The following ACTA2 variants were observed in gnomAD, a reference collection of about 807,000 sequenced individuals.
ACTA2 encodes the protein actin alpha 2, smooth muscle.
In ACTA2, 12 loss-of-function variants were observed where a neutral mutation model predicts 39.5. That is an observed-to-expected ratio of 0.30 (90% CI 0.19 to 0.49). ACTA2 has a LOEUF of 0.49. ACTA2 is among the 20% of genes least tolerant of loss of function. ACTA2 has a pLI of 0.99. For missense variants in ACTA2, 236 were observed against 498.8 expected (o/e 0.47, Z 5.02); for synonymous variants, 158 against 180.6 (o/e 0.88, Z 1.00).
At chr10:88,938,335 A>G (rs550581257) in intron 7 of ACTA2, 93 bp from the exon 8 acceptor site, 381 of 1,377,514 alleles carry the variant, frequency 2.8e-4, no homozygotes, top group Admixed American at 4.7e-4. Context: ...ATGATCTTGC[A>G]GTGGACTGAG....
chr10:88,990,605 T>A lies in ACTA2; in HGVS notation c.-24+334A>T. On this transcript the variant is annotated intron_variant, in intron 1 of 4. Coordinates refer to the ACTA2 transcript ENST00000415557. The surrounding 1 kb of genome is among the most constrained non-coding windows in gnomAD (Gnocchi z 4.9). ...CCGGGCGTTCCCCAGCGAGGCTTCC[T>A]TCCCATCCTCCTGACCACCGGGGCT... 1.5e-6 allele frequency: 1 copy of A among 681,880 alleles called. No individual in the cohort carries two copies. Among genetic ancestry groups the A allele is most frequent in the Non-Finnish European group, 2.7e-6 (1 of 373,276 alleles). 42.2% of individuals were successfully genotyped at this position (681,880 alleles called of 1,614,324 possible). A position where few individuals can be genotyped will look rare whatever the true frequency, so the allele number is the denominator to read the frequency against.
At chr10:88,988,199 G>C (rs959472508) in intron 1 of ACTA2, among the ~76,000 whole-genome samples, 1 of 152,190 alleles carries the variant, frequency 6.6e-6, no homozygotes, top group African/African-American at 2.4e-5. Context: ...GAAGAGGGGA[G>C]AGGGACAGTT....
At chr10:88,938,605 G>A (rs72809337) in intron 7 of ACTA2, 26,063 of 260,786 alleles carry the variant, frequency 0.1, 1,671 homozygotes, top group Non-Finnish European at 0.14. Context: ...GCTCTCCCAG[G>A]TCTCCATTTA....
At chr10:88,982,926 G>A (rs1049429867) in intron 1 of ACTA2, among the ~76,000 whole-genome samples, 1 of 152,150 alleles carries the variant, frequency 6.6e-6, no homozygotes, top group African/African-American at 2.4e-5. Context: ...GTAAACAACC[G>A]AACTGATGAG....
intron 1 of ACTA2, among the ~76,000 whole-genome samples, 169 bp downstream of exon 1, chr10:88,952,562 G>T (rs139731783): frequency 6.6e-6 from 1 of 152,228 alleles, no homozygotes; most frequent in African/African-American, 2.4e-5. Flanking sequence ...TGTCTTTAAC[G>T]TTAGATCATT....
At position 88,947,132 on chromosome 10, in the gene ACTA2, T is replaced by G. The variant is rs377576930; in HGVS notation, c.258+126A>C. The G allele has an allele frequency of 4.1e-5, 56 of 1,376,090 alleles. No homozygotes were observed. The East Asian group carries it at 9.7e-4, about 24-fold the overall frequency. The allele number at this position is 1,376,090 out of a possible 1,614,324, so 85.2% of individuals were successfully genotyped here. A position where few individuals can be genotyped will look rare whatever the true frequency, so the allele number is the denominator to read the frequency against. ...ATGGGTAATAACCCAGAATGAACAT[T>G]AACAAGTAAAAGTACAGTTGAGCAA... On this transcript the variant is annotated intron_variant, in intron 3 of 8. Coordinates refer to ENST00000224784, the MANE Select transcript of ACTA2 (RefSeq NM_001613.4).
Position 88,983,627 on chromosome 10 carries a change from AAAAAAAAAAAAACAC to A in ACTA2, c.-24+7297_-24+7311del, listed in dbSNP as rs1846772659. On this transcript the variant is annotated intron_variant, in intron 1 of 4. Coordinates refer to the ACTA2 transcript ENST00000415557. ...GGTTATGCAAAAAAAAAAAAAAAAA[AAAAAAAAAAAAACAC>A]ACACACACACACACACACAAATGTT... is the stretch of plus-strand genomic sequence containing the variant. 2.0e-5 allele frequency among the ~76,000 whole-genome samples: 3 copies of A among 147,860 alleles called. No individual in the cohort carries two copies. In the South Asian group the frequency reaches 6.4e-4, roughly 32 times the overall value.
intron 1 of ACTA2, among the ~76,000 whole-genome samples, chr10:88,951,424 G>A (rs919105848): frequency 1.3e-5 from 2 of 151,944 alleles, no homozygotes; most frequent in African/African-American, 4.8e-5. Flanking sequence ...TTGGGAGGAG[G>A]GGTTGACTAT....
Position 88,990,941 on chromosome 10 carries a change from C to G in ACTA2, c.-26G>C, listed in dbSNP as rs1847142355. The G allele has an allele frequency of 6.2e-7, 1 of 1,614,036 alleles. No homozygotes were observed. Among genetic ancestry groups the G allele is most frequent in the Admixed American group, 1.7e-5 (1 of 60,022 alleles). On this transcript the variant is annotated splice_region_variant and 5_prime_UTR_variant, in exon 1 of 5. Coordinates refer to the ACTA2 transcript ENST00000415557. The surrounding 1 kb of genome is among the most constrained non-coding windows in gnomAD (Gnocchi z 4.9). ...CTCCTGCCCGGGTGGAGGCTTACCC[C>G]GTCTTAGTCCCGGGGATAGGCAAAG...
chr10:88,938,112 G>A lies in ACTA2; in HGVS notation c.939C>T (p.Asp313=), dbSNP rs780613381. ...GGTTMYPGIA[D]RMQKEITALA... ...GGGCCGTGATCTCCTTCTGCATTCG[G>A]TCGGCAATGCCAGGGTACATAGTGG... The change falls in exon 8 of 9, where the codon GAC becomes GAT. Residue 313 remains aspartate (D), a synonymous_variant. Transcript: ENST00000224784. 2 of 1,613,994 alleles carry A rather than the reference G, an allele frequency of 1.2e-6. No individual in the cohort carries two copies. The highest frequency in any genetic ancestry group is 4.5e-5 in the East Asian group (2 of 44,846).
chr10:88,971,442 T>C (rs1227599172), intron 1 of ACTA2, among the ~76,000 whole-genome samples: 6 of 152,220 alleles, frequency 3.9e-5, no homozygotes, highest in Admixed American at 2.0e-4. Context: ...CCATTTAAAT[T>C]CAAGTTAGGA....
intron 1 of ACTA2, among the ~76,000 whole-genome samples, chr10:88,972,695 C>A (rs1237679986): frequency 6.6e-6 from 1 of 152,186 alleles, no homozygotes; most frequent in Non-Finnish European, 1.5e-5. Flanking sequence ...TGTAACCTTA[C>A]AAATGTATAA....
chr10:88,941,254 C>T lies in ACTA2; in HGVS notation c.591G>A (p.Glu197=), dbSNP rs886038487. Residue 197 remains glutamate (E), a synonymous_variant, in exon 6 of 9, where the codon GAG becomes GAA. Coordinates refer to ENST00000224784, the MANE Select transcript of ACTA2 (RefSeq NM_001613.4). ...LTDYLMKILT[E]RGYSFVTTAE... ...CAGTAGTAACGAAGGAATAGCCACGCTCAGTCAGGATCTTCATGAGGTAGT... is the reference window on the plus strand; with the variant it reads ...CAGTAGTAACGAAGGAATAGCCACGTTCAGTCAGGATCTTCATGAGGTAGT... The T allele has an allele frequency of 3.7e-6, 6 of 1,613,884 alleles. No individual in the cohort carries two copies. The African/African-American group carries it at 8.0e-5, about 22-fold the overall frequency.
intron 1 of ACTA2, among the ~76,000 whole-genome samples, chr10:88,980,222 A>C (rs1268405212): frequency 6.6e-6 from 1 of 152,218 alleles, no homozygotes; most frequent in Non-Finnish European, 1.5e-5. Context: ...AACATAATGC[A>C]CTTTAAATGT....
chr10:88,973,474 T>C (rs1846495122), intron 1 of ACTA2: 1 of 842,474 alleles, frequency 1.2e-6, no homozygotes, highest in Non-Finnish European at 1.7e-6. Flanking sequence ...CATTTCATCT[T>C]GATTATCAGT....
chr10:88,935,890 T>G (rs1407524489), intron 8 of ACTA2, among the ~76,000 whole-genome samples: 1 of 152,192 alleles, frequency 6.6e-6, no homozygotes, highest in African/African-American at 2.4e-5. Context: ...GACATTCCCT[T>G]GCAATAGGTG....
chr10:88,937,770 T>A (rs573618666), intron 8 of ACTA2, among the ~76,000 whole-genome samples: 1 of 152,222 alleles, frequency 6.6e-6, no homozygotes, highest in Non-Finnish European at 1.5e-5. Context: ...ACAAAATGCA[T>A]ATTTTAAAGA....
At chr10:88,939,364 A>C in intron 7 of ACTA2, 143 bp downstream of exon 7, 1 of 1,094,364 alleles carries the variant, frequency 9.1e-7, no homozygotes, top group East Asian at 2.4e-5. Context: ...CTCGCCTTGA[A>C]AATGTGGCAC....
chr10:88,960,769 T>G (rs1010387367), intron 1 of ACTA2, among the ~76,000 whole-genome samples: 1 of 152,144 alleles, frequency 6.6e-6, no homozygotes, highest in African/African-American at 2.4e-5. Context: ...TAGTTTACGG[T>G]GTAAAGGGTG....
Sources: allele counts gnomAD v4.1 joint callset (sites outside exome capture counted in the v4.1 genomes callset), GRCh38; gene constraint gnomAD v4.1.1; non-coding constraint Gnocchi (gnomAD v3.1); transcripts MANE v1.5; gene names NCBI Gene and HGNC (gene_info 2026-07-23, HGNC 2026-07-21).